LRRC37A3: variants seen among roughly 807,000 people sequenced by gnomAD.
LRRC37A3 encodes the protein leucine rich repeat containing 37 member A3.
A neutral mutation model predicts 106.2 loss-of-function variants in LRRC37A3; 25 were observed. That is an observed-to-expected ratio of 0.24 (90% CI 0.17 to 0.33). The LOEUF is 0.33. LRRC37A3 is among the 10% of genes least tolerant of loss of function. LRRC37A3 has a pLI of 1.00. For synonymous variants in LRRC37A3, 305 were observed against 635.8 expected, an observed-to-expected ratio of 0.48 and a Z score of 7.83; for missense variants, 712 against 1,644.9, an observed-to-expected ratio of 0.43 and a Z score of 9.81.
In LRRC37A3 at chr17:64,860,528, G is replaced by C; in HGVS notation, c.3618C>G (p.Leu1206=). 1.9e-6 allele frequency: 3 copies of C among 1,612,776 alleles called. No homozygotes were observed. Among genetic ancestry groups the C allele is most frequent in the African/African-American group, 2.7e-5 (2 of 74,954 alleles). Residue 1206 remains leucine, a synonymous_variant, in exon 12 of 15, where the codon CTC becomes CTG. Coordinates refer to ENST00000584306, the MANE Select transcript of LRRC37A3 (RefSeq NM_199340.5). ...SVENTAEEKR[L]GSPAPRELKQ... is the part of the protein sequence containing the mutation. ...TCAGCTCCCTTGGGGCTGGACTTCCGAGCCTTTTTTCTTCGGCAGTGTTCT... is the reference window on the plus strand; with the variant it reads ...TCAGCTCCCTTGGGGCTGGACTTCCCAGCCTTTTTTCTTCGGCAGTGTTCT...
At position 64,858,800 on chromosome 17, in the gene LRRC37A3, A is replaced by G; in HGVS notation, c.4788T>C (p.Ile1596=). The change falls in exon 13 of 15, where the codon ATT becomes ATC. Residue 1596 remains isoleucine, a synonymous_variant. Transcript: ENST00000584306. ...LIVTGILTIL[I]ILLCLIEICC... is the part of the protein sequence containing the mutation. Reference sequence around the variant, plus strand: ...TTACCTCAATGAGGCAGAGAAGTATAATCAAAATCGTTAGTATTCCAGTCA... The same window carrying G: ...TTACCTCAATGAGGCAGAGAAGTATGATCAAAATCGTTAGTATTCCAGTCA... The G allele has an allele frequency of 6.2e-7, 1 of 1,612,232 alleles. No individual in the cohort carries two copies. Among genetic ancestry groups the G allele is most frequent in the Non-Finnish European group, 8.5e-7 (1 of 1,178,360 alleles).
Position 64,895,063 on chromosome 17 carries a change from G to A in LRRC37A3, c.2195C>T (p.Thr732Ile). 1 of 1,591,260 alleles carries A rather than the reference G, an allele frequency of 6.3e-7. No individual in the cohort carries two copies. Among genetic ancestry groups the A allele is most frequent in the Non-Finnish European group, 8.5e-7 (1 of 1,179,766 alleles). The change falls in exon 4 of 15, where the codon ACT becomes ATT. Residue 732 changes from threonine to isoleucine, a missense_variant. Transcript: ENST00000584306. ...DLELTITTKP[T>I]TEVKPSPTTE... ...GGTTGGAGATGGTTTAACCTCTGTA[G>A]TAGGTTTTGTAGTTATGGTAAGCTC...
At chr17:64,912,774 A>G (rs1006345001) in intron 2 of LRRC37A3, among the ~76,000 whole-genome samples, 5 of 125,358 alleles carry the variant, frequency 4.0e-5, no homozygotes, top group Non-Finnish European at 6.9e-5. Context: ...ATGGCCAAGT[A>G]TGGTGGCTCA....
At chr17:64,879,083 A>G (rs369590987) in intron 8 of LRRC37A3, among the ~76,000 whole-genome samples, 160 of 151,744 alleles carry the variant, frequency 1.1e-3, no homozygotes, top group Middle Eastern at 0.01. Flanking sequence ...AAGGCCACAT[A>G]CTGTATGATT....
chr17:64,878,934 C>T (rs1276160570), intron 8 of LRRC37A3, among the ~76,000 whole-genome samples: 1 of 152,174 alleles, frequency 6.6e-6, no homozygotes, highest in Non-Finnish European at 1.5e-5. Context: ...CACATGTCCA[C>T]TAAGTGATGA....
At chr17:64,890,470 C>A (rs1460666527) in intron 5 of LRRC37A3, among the ~76,000 whole-genome samples, 1 of 115,944 alleles carries the variant, frequency 8.6e-6, no homozygotes, top group Non-Finnish European at 1.6e-5. Context: ...CCTTTCCAAT[C>A]ATATCCCTCT....
At chr17:64,854,768 G>A in intron 14 of LRRC37A3, 124 bp from the exon 15 acceptor site, 1 of 1,611,810 alleles carries the variant, frequency 6.2e-7, no homozygotes, top group South Asian at 1.1e-5. Flanking sequence ...CCCTGTTGAG[G>A]ATCTTGTCCT....
chr17:64,869,832 C>G (rs1022842349), intron 8 of LRRC37A3, among the ~76,000 whole-genome samples: 1 of 151,652 alleles, frequency 6.6e-6, no homozygotes, highest in Non-Finnish European at 1.5e-5. Context: ...TGAGCCACTG[C>G]GGCTGGCTGC....
chr17:64,919,031 G>A (rs1974768696), intron 1 of LRRC37A3, among the ~76,000 whole-genome samples, 161 bp from the exon 2 acceptor site: 1 of 152,064 alleles, frequency 6.6e-6, no homozygotes, highest in Non-Finnish European at 1.5e-5. Flanking sequence ...GGCGGCGGCG[G>A]CGGCTTTCTC....
At chr17:64,909,030 C>T (rs1436941071) in intron 2 of LRRC37A3, among the ~76,000 whole-genome samples, 1 of 152,096 alleles carries the variant, frequency 6.6e-6, no homozygotes, top group Non-Finnish European at 1.5e-5. Flanking sequence ...CCGCTTCAGC[C>T]TCCCAAAGTG....
Position 64,869,115 on chromosome 17 carries a change from T to C in LRRC37A3, c.2958A>G (p.Lys986=). 1 of 1,612,624 alleles carries C rather than the reference T, an allele frequency of 6.2e-7. No homozygotes were observed. The stretch of plus-strand genomic sequence containing the variant: ...CTTACAGATATTTTAATGCTGGCAA[T>C]TTAAAGAGATATGGATCTTCAACAG... ...LTTVEDPYLF[K]LPALKYLDMG... is the part of the protein sequence containing the mutation. Residue 986 remains lysine (K), a synonymous_variant, in exon 9 of 15, where the codon AAA becomes AAG. Coordinates refer to ENST00000584306, the MANE Select transcript of LRRC37A3 (RefSeq NM_199340.5).
intron 8 of LRRC37A3, among the ~76,000 whole-genome samples, chr17:64,874,404 C>T (rs1351824799): frequency 6.7e-6 from 1 of 149,966 alleles, no homozygotes; most frequent in Non-Finnish European, 1.5e-5. Context: ...GGAGCCCCTC[C>T]GCCCGGCAGT....
chr17:64,884,424 G>A (rs900645001), intron 8 of LRRC37A3, among the ~76,000 whole-genome samples: 4 of 151,534 alleles, frequency 2.6e-5, no homozygotes, highest in Non-Finnish European at 5.9e-5. Flanking sequence ...GGAGTGCAAT[G>A]GTGCCATCTC....
intron 2 of LRRC37A3, among the ~76,000 whole-genome samples, chr17:64,917,178 G>A (rs575663144): frequency 1.3e-5 from 2 of 149,182 alleles, no homozygotes; most frequent in African/African-American, 2.5e-5. Flanking sequence ...CCCGGGAGGC[G>A]GAGCTTGCAG....
intron 2 of LRRC37A3, among the ~76,000 whole-genome samples, chr17:64,904,542 GA>G (rs1458961964): frequency 6.8e-6 from 1 of 146,524 alleles, no homozygotes; most frequent in Non-Finnish European, 1.5e-5. Flanking sequence ...AAGGCTATAA[GA>G]GATACATATT....
intron 2 of LRRC37A3, among the ~76,000 whole-genome samples, chr17:64,911,688 GAA>G (rs1974592263): frequency 6.7e-6 from 1 of 149,210 alleles, no homozygotes; most frequent in Non-Finnish European, 1.5e-5. Context: ...CTGGAGTTTA[GAA>G]AAGAGGTCTA....
chr17:64,893,682 C>G (rs1217095534), intron 4 of LRRC37A3, among the ~76,000 whole-genome samples: 1 of 129,910 alleles, frequency 7.7e-6, no homozygotes, highest in Non-Finnish European at 1.5e-5. Flanking sequence ...TGGAGTCTTG[C>G]TCTGTCGCCC....
chr17:64,861,344 G>C (rs1339159164), intron 11 of LRRC37A3, among the ~76,000 whole-genome samples: 1 of 152,176 alleles, frequency 6.6e-6, no homozygotes, highest in African/African-American at 2.4e-5. Flanking sequence ...GTGCTGTCCT[G>C]CCTCAGATGC....
chr17:64,866,414 A>T (rs574158143), intron 10 of LRRC37A3, among the ~76,000 whole-genome samples: 1 of 151,220 alleles, frequency 6.6e-6, no homozygotes, highest in South Asian at 2.1e-4. Context: ...AATCTTGCAT[A>T]ATGCCCTCAA....
Sources: gnomAD v4.1 joint callset for allele counts (sites outside exome capture counted in the v4.1 genomes callset) on GRCh38, gnomAD v4.1.1 for gene constraint, MANE v1.5 for transcripts, NCBI Gene and HGNC (gene_info 2026-07-23, HGNC 2026-07-21) for gene names.